The following AUTS2 variants were observed in gnomAD, a reference collection of about 807,000 sequenced individuals.
AUTS2 encodes autism susceptibility gene 2 protein.
A neutral mutation model predicts 112.4 loss-of-function variants in AUTS2; 17 were observed. The ratio of observed to expected loss-of-function variants is 0.15; its 90% CI spans 0.10 to 0.23. AUTS2 has a LOEUF of 0.23. Ranked by LOEUF, AUTS2 falls within the 10% of genes least tolerant of loss-of-function variation. The pLI, the probability that AUTS2 is intolerant of heterozygous loss-of-function variation, is 1.00. For synonymous variants in AUTS2, 751 were observed against 702.7 expected (o/e 1.07, Z -1.09); for missense variants, 1,510 against 1,701.6 (o/e 0.89, Z 1.98).
chr7:70,533,021 A>G (rs1800159503), intron 5 of AUTS2, among the ~76,000 whole-genome samples: 1 of 152,224 alleles, frequency 6.6e-6, no homozygotes, highest in South Asian at 2.1e-4. Context: ...AGGGACAGTC[A>G]TCAAGGAAAG....
chr7:70,787,516 G>C, intron 18 of AUTS2, 85 bp downstream of exon 18: 1 of 1,016,818 alleles, frequency 9.8e-7, no homozygotes, highest in African/African-American at 1.6e-5. Context: ...CACCCTCCCT[G>C]TCCCAGCCTC....
At chr7:70,547,547 C>T (rs1254566054) in intron 5 of AUTS2, among the ~76,000 whole-genome samples, 1 of 152,148 alleles carries the variant, frequency 6.6e-6, no homozygotes, top group African/African-American at 2.4e-5. Context: ...GCCACCGTGC[C>T]CGGCCGTAAT....
intron 4 of AUTS2, among the ~76,000 whole-genome samples, chr7:70,333,412 A>T (rs574864191): frequency 1.1e-3 from 160 of 152,304 alleles, no homozygotes; most frequent in African/African-American, 3.7e-3. Context: ...TTCCTCAAGG[A>T]TCTAGAACCA....
intron 3 of AUTS2, among the ~76,000 whole-genome samples, chr7:70,131,675 T>G (rs903599548): frequency 2.1e-4 from 32 of 152,270 alleles, no homozygotes; most frequent in Admixed American, 2.0e-4. Flanking sequence ...TGGAAAATTA[T>G]TGAAGCTACC....
At chr7:70,103,669 G>A (rs1051700414) in intron 2 of AUTS2, among the ~76,000 whole-genome samples, 2 of 152,112 alleles carry the variant, frequency 1.3e-5, no homozygotes, top group African/African-American at 4.8e-5. Context: ...AACTTTGGGA[G>A]GCTGAGGTGG....
chr7:70,434,323 G>A (rs1795802040), intron 4 of AUTS2, among the ~76,000 whole-genome samples: 1 of 152,154 alleles, frequency 6.6e-6, no homozygotes, highest in African/African-American at 2.4e-5. Flanking sequence ...AAAGTGTCAG[G>A]AGAAGGTACA....
At chr7:69,948,139 C>T (rs561876782) in intron 2 of AUTS2, among the ~76,000 whole-genome samples, 77 of 152,166 alleles carry the variant, frequency 5.1e-4, no homozygotes, top group African/African-American at 1.7e-3. Flanking sequence ...TTAGCTGTGC[C>T]CAGCGGTAGC....
intron 6 of AUTS2, among the ~76,000 whole-genome samples, chr7:70,717,012 TTTA>T (rs10609720): frequency 0.42 from 49,850 of 119,464 alleles, 9,544 homozygotes; most frequent in East Asian, 0.73. Context: ...TTTTTTTTTT[TTTA>T]TTACTGTTTA....
intron 4 of AUTS2, among the ~76,000 whole-genome samples, chr7:70,217,698 G>T (rs1811243990): frequency 6.6e-6 from 1 of 152,118 alleles, no homozygotes; most frequent in South Asian, 2.1e-4. Context: ...TTTTTCTGTG[G>T]TGATGTTTCA....
At chr7:70,400,185 A>G (rs1255078240) in intron 4 of AUTS2, among the ~76,000 whole-genome samples, 1 of 152,202 alleles carries the variant, frequency 6.6e-6, no homozygotes, top group East Asian at 1.9e-4. Context: ...TTTAGAGTCA[A>G]GTGAGCCTGG....
chr7:69,618,182 C>A (rs1302173245), intron 1 of AUTS2, among the ~76,000 whole-genome samples: 1 of 152,164 alleles, frequency 6.6e-6, no homozygotes, highest in Non-Finnish European at 1.5e-5. Flanking sequence ...GAGCCTCTGA[C>A]AAAGAGGAGG....
intron 1 of AUTS2, among the ~76,000 whole-genome samples, chr7:69,875,998 T>A (rs1395597221): frequency 6.6e-6 from 1 of 152,120 alleles, no homozygotes; most frequent in Non-Finnish European, 1.5e-5. Context: ...TGCCTTTTAA[T>A]AAATCTAGAA....
Position 70,793,136 on chromosome 7 carries a change from T to C in AUTS2, c.*2140T>C, listed in dbSNP as rs961396314. 6.6e-6 allele frequency: 1 copy of C among 150,750 alleles called. No homozygotes were observed. Among genetic ancestry groups the C allele is most frequent in the South Asian group, 2.2e-4 (1 of 4,508 alleles). The allele number at this position is 150,750 out of a possible 1,614,324, so 9.3% of individuals were successfully genotyped here. Reference sequence around the variant, plus strand: ...TTAGTTTTTCGTATGTCCAAGATACTGTAAAAGGTACTTCTGGATTTTGTA... The same window carrying C: ...TTAGTTTTTCGTATGTCCAAGATACCGTAAAAGGTACTTCTGGATTTTGTA... On this transcript the variant is annotated 3_prime_UTR_variant, in exon 19 of 19. Transcript: ENST00000342771.
intron 5 of AUTS2, among the ~76,000 whole-genome samples, chr7:70,590,675 A>C (rs1032466637): frequency 6.6e-6 from 1 of 152,192 alleles, no homozygotes; most frequent in Non-Finnish European, 1.5e-5. Context: ...GCCTAAACAC[A>C]TGAACGTATT....
At chr7:70,565,454 G>A (rs2129524303) in intron 5 of AUTS2, among the ~76,000 whole-genome samples, 1 of 152,226 alleles carries the variant, frequency 6.6e-6, no homozygotes, top group Middle Eastern at 3.4e-3. Flanking sequence ...CAAGGTGAGA[G>A]GATTGCTTGA....
chr7:70,694,810 T>C lies in AUTS2; in HGVS notation c.691-3759T>C. The C allele has an allele frequency of 6.6e-6, 1 of 151,218 alleles. No individual in the cohort carries two copies. The highest frequency in any genetic ancestry group is 1.5e-5 in the Non-Finnish European group (1 of 67,684). The allele number at this position is 151,218 out of a possible 1,614,324, so 9.4% of individuals were successfully genotyped here. On this transcript the variant is annotated intron_variant, in intron 5 of 18. Transcript: ENST00000342771. This position sits in a 1 kb window ranked among gnomAD's most constrained non-coding sequence, Gnocchi z 4.1. ...GTGTGCGCGCGGCGCCGGCTCTCGGTCGCCCCGAAGCTGTTGCCCGGTTCG... is the reference window on the plus strand; with the variant it reads ...GTGTGCGCGCGGCGCCGGCTCTCGGCCGCCCCGAAGCTGTTGCCCGGTTCG...
intron 1 of AUTS2, among the ~76,000 whole-genome samples, chr7:69,814,874 A>G (rs1790691834): frequency 6.6e-6 from 1 of 152,246 alleles, no homozygotes; most frequent in Admixed American, 6.5e-5. Flanking sequence ...TGGCCAACAG[A>G]AAAGCATTCG....
At chr7:70,101,602 CA>C (rs1212707535) in intron 2 of AUTS2, among the ~76,000 whole-genome samples, 1 of 151,904 alleles carries the variant, frequency 6.6e-6, no homozygotes, top group Non-Finnish European at 1.5e-5. Context: ...GGCTGAGGCA[CA>C]AGAATTGCTT....
At chr7:70,546,460 T>A (rs1177604602) in intron 5 of AUTS2, among the ~76,000 whole-genome samples, 1 of 144,250 alleles carries the variant, frequency 6.9e-6, no homozygotes, top group Non-Finnish European at 1.5e-5. Context: ...AATCAAAAAA[T>A]TTAATATAAT....
Sources: gnomAD v4.1 joint callset for allele counts (sites outside exome capture counted in the v4.1 genomes callset) on GRCh38, gnomAD v4.1.1 for gene constraint, Gnocchi (gnomAD v3.1) non-coding constraint, MANE v1.5 for transcripts, NCBI Gene and HGNC (gene_info 2026-07-23, HGNC 2026-07-21) for gene names.